The following TENM2 variants were observed in gnomAD, a reference collection of about 807,000 sequenced individuals.
TENM2 encodes teneurin transmembrane protein 2.
A neutral mutation model predicts 245.2 loss-of-function variants in TENM2; 52 were observed. The observed-to-expected ratio is 0.21, with a 90% CI of 0.17 to 0.27. TENM2 has a LOEUF of 0.27. TENM2 is among the 10% of genes least tolerant of loss of function. The probability of loss-of-function intolerance (pLI) is 1.00; values close to 1 mark genes in which losing one functional copy is unlikely to be tolerated. For synonymous variants in TENM2, 1,363 were observed against 1,438.9 expected, an observed-to-expected ratio of 0.95 and a Z score of 1.19; for missense variants, 3,046 against 3,666.8, an observed-to-expected ratio of 0.83 and a Z score of 4.37.
chr5:167,612,734 G>A (rs564472400), intron 2 of TENM2, among the ~76,000 whole-genome samples: 1 of 152,142 alleles, frequency 6.6e-6, no homozygotes, highest in Admixed American at 6.5e-5. Flanking sequence ...TGACGTACGG[G>A]ATGTTTTGAG....
At chr5:167,188,171 A>G in the TENM2 span, among the ~76,000 whole-genome samples, 2 of 152,162 alleles carry the variant, frequency 1.3e-5, no homozygotes, top group Non-Finnish European at 2.9e-5. Flanking sequence ...CCAGATCACA[A>G]ACCTACTATA....
At chr5:168,179,834 C>A (rs755841713) in intron 13 of TENM2, among the ~76,000 whole-genome samples, 1 of 152,188 alleles carries the variant, frequency 6.6e-6, no homozygotes, top group East Asian at 1.9e-4. Context: ...TAAAGGCATG[C>A]GTTTAAAGTA....
At chr5:167,620,526 T>C (rs1035176819) in intron 2 of TENM2, among the ~76,000 whole-genome samples, 1 of 151,390 alleles carries the variant, frequency 6.6e-6, no homozygotes, top group African/African-American at 2.4e-5. Flanking sequence ...TTAAACCCTG[T>C]TGGCTAAAAC....
At chr5:167,328,217 T>G (rs1757209035) in intron 1 of TENM2, among the ~76,000 whole-genome samples, 1 of 149,226 alleles carries the variant, frequency 6.7e-6, no homozygotes, top group African/African-American at 2.5e-5. Flanking sequence ...TTTTTTTTTT[T>G]TTTTTTTTTT....
intron 2 of TENM2, among the ~76,000 whole-genome samples, chr5:167,625,743 C>T (rs964887201): frequency 4.6e-5 from 7 of 152,148 alleles, no homozygotes; most frequent in Non-Finnish European, 1.0e-4. Flanking sequence ...AGATCTGGCT[C>T]AGGGCCTTTC....
intron 2 of TENM2, among the ~76,000 whole-genome samples, chr5:167,786,907 A>G (rs1764618560): frequency 6.6e-6 from 1 of 152,248 alleles, no homozygotes; most frequent in African/African-American, 2.4e-5. Context: ...TTAACCCGTT[A>G]TAGAATTCTA....
At chr5:167,835,790 T>C (rs1303061970) in intron 2 of TENM2, among the ~76,000 whole-genome samples, 1 of 152,134 alleles carries the variant, frequency 6.6e-6, no homozygotes, top group Non-Finnish European at 1.5e-5. Flanking sequence ...GTTTTTATGT[T>C]TTCACTTTTA....
At chr5:167,006,572 T>G in the TENM2 span, among the ~76,000 whole-genome samples, 3 of 152,226 alleles carry the variant, frequency 2.0e-5, no homozygotes, top group East Asian at 5.8e-4. Context: ...TGGATACATA[T>G]GTATGCATAT....
At chr5:167,748,787 A>G (rs903216226) in intron 2 of TENM2, among the ~76,000 whole-genome samples, 19 of 152,036 alleles carry the variant, frequency 1.2e-4, no homozygotes, top group African/African-American at 4.6e-4. Context: ...ATCTTGTGAG[A>G]ACTCACTCAC....
chr5:167,475,563 G>T (rs11134463), intron 2 of TENM2, among the ~76,000 whole-genome samples: 103,988 of 151,820 alleles, frequency 0.68, 36,239 homozygotes, highest in Non-Finnish European at 0.75. Context: ...GTGCCATGGT[G>T]GTTTGCTGCA....
chr5:168,048,022 G>A (rs1035873895), intron 6 of TENM2, among the ~76,000 whole-genome samples: 6 of 152,180 alleles, frequency 3.9e-5, no homozygotes, highest in Admixed American at 3.9e-4. Flanking sequence ...TGCCTGGCTT[G>A]GCATGAAAGA....
chr5:166,982,790 T>TG, the TENM2 span, among the ~76,000 whole-genome samples: 8 of 148,028 alleles, frequency 5.4e-5, no homozygotes, highest in Non-Finnish European at 1.1e-4. Context: ...TATGTTTTTT[T>TG]TGGGGGGGGG....
chr5:167,846,055 C>T (rs1435375080), intron 2 of TENM2, among the ~76,000 whole-genome samples: 1 of 152,216 alleles, frequency 6.6e-6, no homozygotes, highest in Non-Finnish European at 1.5e-5. Flanking sequence ...TCATTGACCT[C>T]ACCTTCCCCA....
At chr5:167,536,679 G>A (rs956323449) in intron 2 of TENM2, among the ~76,000 whole-genome samples, 1 of 152,206 alleles carries the variant, frequency 6.6e-6, no homozygotes, top group Admixed American at 6.5e-5. Context: ...TTGCCCTAAG[G>A]CCTCAGACTT....
At position 168,251,560 on chromosome 5, in the gene TENM2, G is replaced by T. The variant is rs188845015; in HGVS notation, c.7432+3189G>T. 3.3e-3 allele frequency among the ~76,000 whole-genome samples: 503 copies of T among 152,296 alleles called. 1 individual carries two copies. The highest frequency in any genetic ancestry group is 5.3e-3 in the Non-Finnish European group (360 of 68,020). On this transcript the variant is annotated intron_variant, in intron 27 of 28. Transcript: ENST00000518659. The stretch of plus-strand genomic sequence containing the variant: ...CACGCTCGGGCAGAGACCTGGGAGT[G>T]GGGATCCAAGTGGAGAACACCAAAT...
intron 2 of TENM2, among the ~76,000 whole-genome samples, chr5:167,834,247 T>C (rs549529370): frequency 6.6e-6 from 1 of 152,210 alleles, no homozygotes; most frequent in Non-Finnish European, 1.5e-5. Flanking sequence ...AATTTTGAAC[T>C]GAGATGTCAG....
At chr5:167,549,138 A>G (rs1250179850) in intron 2 of TENM2, among the ~76,000 whole-genome samples, 2 of 152,198 alleles carry the variant, frequency 1.3e-5, no homozygotes, top group East Asian at 3.9e-4. Context: ...ATCGTAGCAG[A>G]GCAATCTTAT....
At chr5:167,662,715 A>G (rs1002617279) in intron 2 of TENM2, among the ~76,000 whole-genome samples, 13 of 152,268 alleles carry the variant, frequency 8.5e-5, no homozygotes, top group South Asian at 4.2e-4. Context: ...TTGAATATCA[A>G]TCTTTTCCCT....
At chr5:167,010,963 C>T in the TENM2 span, among the ~76,000 whole-genome samples, 1 of 152,126 alleles carries the variant, frequency 6.6e-6, no homozygotes, top group Non-Finnish European at 1.5e-5. Flanking sequence ...ACATTTACTA[C>T]AATTATCCTG....
Sources: gnomAD v4.1 joint callset for allele counts (sites outside exome capture counted in the v4.1 genomes callset) on GRCh38, gnomAD v4.1.1 for gene constraint, MANE v1.5 for transcripts, NCBI Gene and HGNC (gene_info 2026-07-23, HGNC 2026-07-21) for gene names.